The following CADPS variants were observed in gnomAD, a reference collection of about 807,000 sequenced individuals.
CADPS encodes the protein calcium dependent secretion activator.
CADPS carries 57 observed loss-of-function variants against 167.3 expected under a neutral mutation model. The observed-to-expected ratio is 0.34, with a 90% CI of 0.28 to 0.42. CADPS has a LOEUF of 0.42. CADPS is among the 20% of genes least tolerant of loss of function. The pLI is 1.00. For missense variants in CADPS, 1,414 were observed against 1,738.1 expected (o/e 0.81, Z 3.32); for synonymous variants, 676 against 635.3 (o/e 1.06, Z -0.96).
chr3:62,469,021 C>T (rs1479727486), intron 24 of CADPS, among the ~76,000 whole-genome samples: 1 of 152,140 alleles, frequency 6.6e-6, no homozygotes, highest in African/African-American at 2.4e-5. Flanking sequence ...AATAGATTAA[C>T]ATAGTGGTTG....
chr3:62,572,444 C>G (rs1217855989), intron 8 of CADPS, among the ~76,000 whole-genome samples: 2 of 152,084 alleles, frequency 1.3e-5, no homozygotes, highest in African/African-American at 4.8e-5. Context: ...GATTTTCATC[C>G]TATTCCTGGA....
chr3:62,522,298 T>G (rs1376921), intron 13 of CADPS, among the ~76,000 whole-genome samples: 134,205 of 151,656 alleles, frequency 0.88, 59,732 homozygotes, highest in South Asian at 0.96. Flanking sequence ...CACCATATCT[T>G]TTAATTTTGT....
In CADPS at chr3:62,753,304, G is replaced by A; in HGVS notation, c.888+137C>T. 4 of 634,006 alleles carry A rather than the reference G, an allele frequency of 6.3e-6. No individual in the cohort carries two copies. The highest frequency in any genetic ancestry group is 1.8e-5 in the African/African-American group (1 of 54,500). The allele number at this position is 634,006 out of a possible 1,614,324, so 39.3% of individuals were successfully genotyped here. On this transcript the variant is annotated intron_variant, in intron 3 of 29. Coordinates refer to ENST00000383710, the MANE Select transcript of CADPS (RefSeq NM_003716.4). The surrounding 1 kb of genome is among the most constrained non-coding windows in gnomAD (Gnocchi z 4.6). ...GCATGAATATACTCCAGCCTAAACTGTATTCAACTTTTTACCAGTAGAGTA... is the reference window on the plus strand; with the variant it reads ...GCATGAATATACTCCAGCCTAAACTATATTCAACTTTTTACCAGTAGAGTA...
chr3:62,516,724 A>T, intron 14 of CADPS, 81 bp from the exon 15 acceptor site: 2 of 968,362 alleles, frequency 2.1e-6, no homozygotes, highest in Non-Finnish European at 3.2e-6. Context: ...TCCTATAGCA[A>T]CTCTCTCTGA....
intron 1 of CADPS, among the ~76,000 whole-genome samples, chr3:62,789,282 C>T (rs555576324): frequency 2.2e-4 from 34 of 152,212 alleles, no homozygotes; most frequent in Non-Finnish European, 4.4e-4. Context: ...AGTGAGGAAA[C>T]CAAGACTTAA....
Position 62,753,302 on chromosome 3 carries a change from CTG to C in CADPS, c.888+137_888+138del, listed in dbSNP as rs563735802. The C allele has an allele frequency of 1.1e-3, 710 of 629,180 alleles. 1 individual carries two copies. Among genetic ancestry groups the C allele is most frequent in the Non-Finnish European group, 1.2e-3 (448 of 365,248 alleles). 39.0% of individuals were successfully genotyped at this position (629,180 alleles called of 1,614,324 possible). ...AAGCATGAATATACTCCAGCCTAAA[CTG>C]TATTCAACTTTTTACCAGTAGAGTA... On this transcript the variant is annotated intron_variant, in intron 3 of 29. Transcript: ENST00000383710. This position sits in a 1 kb window ranked among gnomAD's most constrained non-coding sequence, Gnocchi z 4.6.
At chr3:62,583,209 C>T (rs545426834) in intron 8 of CADPS, among the ~76,000 whole-genome samples, 1 of 149,226 alleles carries the variant, frequency 6.7e-6, no homozygotes, top group East Asian at 2.0e-4. Context: ...GTTCTGCTCA[C>T]TCATGTGCTG....
intron 14 of CADPS, among the ~76,000 whole-genome samples, chr3:62,517,546 T>C (rs2069308734): frequency 2.0e-5 from 3 of 152,188 alleles, no homozygotes; most frequent in Non-Finnish European, 2.9e-5. Context: ...AATGCTATTA[T>C]TATTTTTCAG....
At chr3:62,770,275 T>A (rs142455305) in intron 1 of CADPS, among the ~76,000 whole-genome samples, 113 of 152,308 alleles carry the variant, frequency 7.4e-4, no homozygotes, top group Middle Eastern at 3.4e-3. Flanking sequence ...TCCCAGATAA[T>A]CTCTGTCACA....
At chr3:62,589,435 T>C (rs2085425880) in intron 7 of CADPS, among the ~76,000 whole-genome samples, 2 of 152,184 alleles carry the variant, frequency 1.3e-5, no homozygotes, top group African/African-American at 4.8e-5. Flanking sequence ...ATGAAATGAG[T>C]GTGTGTGGGG....
chr3:62,523,234 C>T (rs1049257064), intron 13 of CADPS, among the ~76,000 whole-genome samples: 3 of 151,996 alleles, frequency 2.0e-5, no homozygotes, highest in Non-Finnish European at 4.4e-5. Flanking sequence ...AGCTGCCCAA[C>T]CTTTGAGTGA....
chr3:62,606,411 G>A (rs1054810670), intron 6 of CADPS, among the ~76,000 whole-genome samples: 1 of 152,064 alleles, frequency 6.6e-6, no homozygotes, highest in Non-Finnish European at 1.5e-5. Flanking sequence ...ATAAAAAGAG[G>A]AAAAGAGACC....
At chr3:62,603,999 T>TA (rs1423447136) in intron 6 of CADPS, among the ~76,000 whole-genome samples, 3 of 151,678 alleles carry the variant, frequency 2.0e-5, no homozygotes, top group Admixed American at 1.3e-4. Flanking sequence ...GCTAATTTTT[T>TA]TTTTTTATTT....
intron 1 of CADPS, among the ~76,000 whole-genome samples, chr3:62,868,491 G>A (rs1424823086): frequency 1.3e-5 from 2 of 152,006 alleles, no homozygotes; most frequent in African/African-American, 2.4e-5. Context: ...ACTTGTAAGA[G>A]AAGCCAGAAA....
In CADPS at chr3:62,422,761, A is replaced by G. The variant is rs968341476; in HGVS notation, c.3777+15343T>C. 1.2e-4 allele frequency among the ~76,000 whole-genome samples: 19 copies of G among 152,204 alleles called. 1 individual carries two copies. Among genetic ancestry groups the G allele is most frequent in the Non-Finnish European group, 2.4e-4 (16 of 68,042 alleles). On this transcript the variant is annotated intron_variant, in intron 28 of 29. Coordinates refer to ENST00000383710, the MANE Select transcript of CADPS (RefSeq NM_003716.4). The stretch of plus-strand genomic sequence containing the variant: ...TCGATTACTCACCTCCCCTTTCCAT[A>G]AAGTATTGCTAATCTGTGAAACCTC...
In CADPS at chr3:62,421,267, C is replaced by CA. The variant is rs1218141891; in HGVS notation, c.3777+16836dup. Among the ~76,000 whole-genome samples the CA allele has an allele frequency of 2.0e-5, 3 of 148,672 alleles. No individual in the cohort carries two copies. Among genetic ancestry groups the CA allele is most frequent in the South Asian group, 4.5e-4 (2 of 4,466 alleles). On this transcript the variant is annotated intron_variant, in intron 28 of 29. Coordinates refer to ENST00000383710, the MANE Select transcript of CADPS (RefSeq NM_003716.4). The surrounding 1 kb of genome is among the most constrained non-coding windows in gnomAD (Gnocchi z 4.7). ...CACACCCCCCACCCTTTTGAGGTGA[C>CA]AGAATAAGAAATTAAACACTTGTGG... is the stretch of plus-strand genomic sequence containing the variant.
At chr3:62,781,628 A>G (rs2091636825) in intron 1 of CADPS, among the ~76,000 whole-genome samples, 2 of 152,120 alleles carry the variant, frequency 1.3e-5, no homozygotes, top group Admixed American at 1.3e-4. Flanking sequence ...GGAGGGGCCA[A>G]AGGGCTAGAG....
At chr3:62,745,833 G>C (rs1235102290) in intron 3 of CADPS, among the ~76,000 whole-genome samples, 3 of 152,210 alleles carry the variant, frequency 2.0e-5, no homozygotes, top group African/African-American at 7.2e-5. Flanking sequence ...GCTGAGCATT[G>C]TGCTAAGTGT....
chr3:62,809,278 C>G (rs1030399028), intron 1 of CADPS, among the ~76,000 whole-genome samples: 9 of 152,176 alleles, frequency 5.9e-5, no homozygotes, highest in African/African-American at 2.2e-4. Flanking sequence ...CTTTCCATTG[C>G]ACTTAGAATA....
Sources: gnomAD v4.1 joint callset for allele counts (sites outside exome capture counted in the v4.1 genomes callset) on GRCh38, gnomAD v4.1.1 for gene constraint, Gnocchi (gnomAD v3.1) non-coding constraint, MANE v1.5 for transcripts, NCBI Gene and HGNC (gene_info 2026-07-23, HGNC 2026-07-21) for gene names.